The following PPP6R3 variants were observed in gnomAD, a reference collection of about 807,000 sequenced individuals.
PPP6R3 encodes the protein serine/threonine-protein phosphatase 6 regulatory subunit 3.
In PPP6R3, 38 loss-of-function variants were observed where a neutral mutation model predicts 110.7. The observed-to-expected ratio is 0.34, with a 90% confidence interval of 0.26 to 0.45. The LOEUF is 0.45. Among genes scored for constraint, PPP6R3 ranks in the 20% least tolerant of loss-of-function variants. PPP6R3 has a pLI of 1.00. For missense variants in PPP6R3, 870 were observed against 1,062.4 expected, an observed-to-expected ratio of 0.82 and a Z score of 2.52; for synonymous variants, 369 against 373.5, an observed-to-expected ratio of 0.99 and a Z score of 0.14.
At chr11:68,540,977 G>A (rs2099312212) in intron 3 of PPP6R3, among the ~76,000 whole-genome samples, 1 of 152,170 alleles carries the variant, frequency 6.6e-6, no homozygotes. Context: ...TGGTCCTGAA[G>A]TGACATACAT....
chr11:68,535,049 G>A (rs2099262657), intron 2 of PPP6R3, among the ~76,000 whole-genome samples: 1 of 152,264 alleles, frequency 6.6e-6, no homozygotes, highest in South Asian at 2.1e-4. Flanking sequence ...ATCACAAAAA[G>A]CATTTATTTC....
Position 68,466,429 on chromosome 11 carries a change from TTTTC to T in PPP6R3, c.-158+5606_-158+5609del, listed in dbSNP as rs1325425697. Among the ~76,000 whole-genome samples, 20 of 147,532 alleles carry T rather than the reference TTTTC, an allele frequency of 1.4e-4. No individual in the cohort carries two copies. The South Asian group carries it at 4.2e-3, about 31-fold the overall frequency. ...CTTATCTCTATGCCTAGCTAGGACA[TTTTC>T]TTTTTTTTTTTTTTTTTTTTGTTGA... On this transcript the variant is annotated intron_variant, in intron 1 of 23. Transcript: ENST00000393800.
In PPP6R3 at chr11:68,497,200, C is replaced by T. The variant is rs367814532; in HGVS notation, c.-157-22301C>T. Among the ~76,000 whole-genome samples, 13 of 131,594 alleles carry T rather than the reference C, an allele frequency of 9.9e-5. No individual in the cohort carries two copies. In the South Asian group the frequency reaches 3.6e-3, roughly 37 times the overall value. The allele number at this position is 131,594 out of a possible 152,430, so 86.3% of individuals were successfully genotyped here. Reference sequence around the variant, plus strand: ...TAGCTGGGACTACAGGTGCCCGCCACCACGCCCGGCTAATTTTTTTTTTTT... The same window carrying T: ...TAGCTGGGACTACAGGTGCCCGCCATCACGCCCGGCTAATTTTTTTTTTTT... On this transcript the variant is annotated intron_variant, in intron 1 of 23. Transcript: ENST00000393800.
chr11:68,463,237 C>T (rs2098720907), intron 1 of PPP6R3, among the ~76,000 whole-genome samples: 1 of 150,706 alleles, frequency 6.6e-6, no homozygotes, highest in Non-Finnish European at 1.5e-5. Context: ...GTCATGGTGG[C>T]GTGTGACTGT....
intron 3 of PPP6R3, among the ~76,000 whole-genome samples, chr11:68,540,810 G>A (rs570751109): frequency 1.3e-5 from 2 of 152,342 alleles, no homozygotes; most frequent in African/African-American, 4.8e-5. Flanking sequence ...GAGAAATATG[G>A]CTCTGTTCCG....
Position 68,506,911 on chromosome 11 carries a change from C to T in PPP6R3, c.-157-12590C>T, listed in dbSNP as rs542837180. ...TTGGCTGAGCCCACTAAATGTAGCT[C>T]GGTGATTGGGATCATGTAGTCATTT... On this transcript the variant is annotated intron_variant, in intron 1 of 23. Coordinates refer to ENST00000393800, the MANE Select transcript of PPP6R3 (RefSeq NM_001164161.2). Among the ~76,000 whole-genome samples the T allele has an allele frequency of 1.4e-4, 21 of 152,292 alleles. No homozygotes were observed. The East Asian group carries it at 2.3e-3, about 17-fold the overall frequency.
chr11:68,505,180 C>G (rs2153502098), intron 1 of PPP6R3: 1 of 152,270 alleles, frequency 6.6e-6, no homozygotes, highest in South Asian at 2.1e-4. Context: ...TGGTGACTTG[C>G]TCAAATAGTG....
intron 23 of PPP6R3, among the ~76,000 whole-genome samples, chr11:68,610,850 AC>A (rs1943040792): frequency 1.7e-5 from 1 of 58,624 alleles, no homozygotes; most frequent in South Asian, 5.7e-4. Flanking sequence ...CCCCACCCCC[AC>A]CCCATCCTCC....
intron 2 of PPP6R3, among the ~76,000 whole-genome samples, chr11:68,529,239 G>T (rs1040234662): frequency 6.6e-6 from 1 of 152,084 alleles, no homozygotes; most frequent in African/African-American, 2.4e-5. Context: ...TGTTTTTCCA[G>T]ATGGAGTCTC....
At chr11:68,533,882 G>A (rs529261618) in intron 2 of PPP6R3, among the ~76,000 whole-genome samples, 2 of 152,184 alleles carry the variant, frequency 1.3e-5, no homozygotes, top group South Asian at 4.1e-4. Context: ...TGGAGCACAC[G>A]GGCTCTGCTA....
intron 1 of PPP6R3, among the ~76,000 whole-genome samples, chr11:68,477,683 C>T (rs913806886): frequency 2.8e-5 from 4 of 144,864 alleles, no homozygotes; most frequent in Non-Finnish European, 6.0e-5. Context: ...GCTGTGATTG[C>T]GCCACTGCAC....
At chr11:68,587,648 C>A in intron 15 of PPP6R3, 2 of 477,316 alleles carry the variant, frequency 4.2e-6, no homozygotes, top group East Asian at 4.2e-5. Context: ...TTAATCCAAA[C>A]CTCTCTCTAA....
rs771912028 is a variant in PPP6R3 at position 68,569,821 on chromosome 11, C to G, written c.1202C>G (p.Ala401Gly). 3 of 1,611,158 alleles carry G rather than the reference C, an allele frequency of 1.9e-6. No homozygotes were observed. The highest frequency in any genetic ancestry group is 2.5e-6 in the Non-Finnish European group (3 of 1,177,954). ...QVEICIALIL[A>G]SPFENTENAT... ...GAAATTTGTATTGCACTGATTCTTG[C>G]AAGTCCTTTTGAAAACACAGAAAAT... Residue 401 changes from alanine (A) to glycine (G), a missense_variant, in exon 11 of 24, where the codon GCA becomes GGA. Transcript: ENST00000393800.
At chr11:68,509,384 T>C (rs1368346008) in intron 1 of PPP6R3, among the ~76,000 whole-genome samples, 3 of 152,172 alleles carry the variant, frequency 2.0e-5, no homozygotes, top group Admixed American at 6.5e-5. Context: ...TCTTCAACCG[T>C]GCTTGTCTGA....
chr11:68,580,571 GA>G (rs1466566671), intron 14 of PPP6R3, among the ~76,000 whole-genome samples: 1 of 152,008 alleles, frequency 6.6e-6, no homozygotes, highest in Non-Finnish European at 1.5e-5. Context: ...TGGGCTGGAG[GA>G]AACAAGATGA....
At chr11:68,562,144 A>G (rs988882202) in intron 8 of PPP6R3, among the ~76,000 whole-genome samples, 4 of 152,150 alleles carry the variant, frequency 2.6e-5, no homozygotes, top group Admixed American at 6.5e-5. Flanking sequence ...TTGCATTTCT[A>G]TGTACTAGGA....
intron 2 of PPP6R3, among the ~76,000 whole-genome samples, chr11:68,530,111 C>G (rs2099228668): frequency 6.6e-6 from 1 of 152,148 alleles, no homozygotes; most frequent in East Asian, 1.9e-4. Context: ...AATTTAATGT[C>G]ATTAGTTGTT....
chr11:68,599,339 CAT>C (rs2099623618), intron 19 of PPP6R3, among the ~76,000 whole-genome samples: 1 of 152,246 alleles, frequency 6.6e-6, no homozygotes, highest in African/African-American at 2.4e-5. Flanking sequence ...AGAAGGGACA[CAT>C]GTCTGAGGAG....
chr11:68,499,552 G>T (rs180867329), intron 1 of PPP6R3, among the ~76,000 whole-genome samples: 126 of 152,218 alleles, frequency 8.3e-4, no homozygotes, highest in African/African-American at 2.9e-3. Flanking sequence ...TGTTCTGTTT[G>T]TTAGAAGAGA....
Sources: allele counts gnomAD v4.1 joint callset (sites outside exome capture counted in the v4.1 genomes callset), GRCh38; gene constraint gnomAD v4.1.1; transcripts MANE v1.5; gene names NCBI Gene and HGNC (gene_info 2026-07-23, HGNC 2026-07-21).